The following FUT6 variants were observed in gnomAD, a reference collection of about 807,000 sequenced individuals.
FUT6 encodes the protein fucosyltransferase 6, also known as 4-galactosyl-N-acetylglucosaminide 3-alpha-L-fucosyltransferase FUT6.
For synonymous variants in FUT6, 187 were observed against 209.9 expected, an observed-to-expected ratio of 0.89 and a Z score of 0.94; for missense variants, 454 against 494.6, an observed-to-expected ratio of 0.92 and a Z score of 0.78.
chr19:5,833,197 AC>A (rs769970886), intron 2 of FUT6, among the ~76,000 whole-genome samples: 26 of 152,298 alleles, frequency 1.7e-4, no homozygotes, highest in Admixed American at 7.8e-4. Context: ...TGCTGTTTTT[AC>A]CATTGAAAGT....
At position 5,831,585 on chromosome 19, in the gene FUT6, C is replaced by G. The variant is rs370771147; in HGVS notation, c.983G>C (p.Arg328Pro). ...GAAAGCGAGTGCCCAGCTGAAGGAGCGAGGCCGCAGCGTCTCCCGCCAGCG... is the reference window on the plus strand; with the variant it reads ...GAAAGCGAGTGCCCAGCTGAAGGAGGGAGGCCGCAGCGTCTCCCGCCAGCG... ...YFRWRETLRP[R>P]SFSWALAFCK... The change falls in exon 3 of 3, where the codon CGC becomes CCC. Residue 328 changes from arginine to proline, a missense_variant. Transcript: ENST00000318336. This position sits in a 1 kb window ranked among gnomAD's most constrained non-coding sequence, Gnocchi z 7.0. 1 of 1,614,086 alleles carries G rather than the reference C, an allele frequency of 6.2e-7. No individual in the cohort carries two copies. The highest frequency in any genetic ancestry group is 1.3e-5 in the African/African-American group (1 of 75,046).
intron 2 of FUT6, among the ~76,000 whole-genome samples, chr19:5,833,592 G>A (rs1454861623): frequency 6.6e-6 from 1 of 151,562 alleles, no homozygotes; most frequent in Middle Eastern, 3.5e-3. Flanking sequence ...TCAGGAGTTC[G>A]AGGCCAGCCT....
At chr19:5,834,095 G>T (rs1480947929) in intron 2 of FUT6, among the ~76,000 whole-genome samples, 1 of 151,906 alleles carries the variant, frequency 6.6e-6, no homozygotes, top group Non-Finnish European at 1.5e-5. Context: ...TCACACCATT[G>T]CACTCCAACC....
rs2057086576 is a variant in FUT6 at position 5,831,289 on chromosome 19, G to C, written c.*199C>G. 3 of 1,253,394 alleles carry C rather than the reference G, an allele frequency of 2.4e-6. No homozygotes were observed. In the East Asian group the frequency reaches 6.9e-5, roughly 29 times the overall value. The allele number at this position is 1,253,394 out of a possible 1,614,324, so 77.6% of individuals were successfully genotyped here. A position where few individuals can be genotyped will look rare whatever the true frequency, so the allele number is the denominator to read the frequency against. On this transcript the variant is annotated 3_prime_UTR_variant, in exon 3 of 3. Transcript: ENST00000318336. The surrounding 1 kb of genome is among the most constrained non-coding windows in gnomAD (Gnocchi z 7.0). Reference sequence around the variant, plus strand: ...TACCTGGCCACCGAAGACTCCAGCAGGTGAGGCCCCAGGAAAGTGAGGACC... The same window carrying C: ...TACCTGGCCACCGAAGACTCCAGCACGTGAGGCCCCAGGAAAGTGAGGACC...
At chr19:5,837,784 A>C (rs2057201067) in intron 1 of FUT6, 1 of 152,108 alleles carries the variant, frequency 6.6e-6, no homozygotes, top group South Asian at 2.1e-4. Flanking sequence ...AAAATAAAAT[A>C]AAATAAAATA....
Position 5,832,396 on chromosome 19 carries a change from C to T in FUT6, c.172G>A (p.Ala58Thr), listed in dbSNP as rs112849079. 8.0e-5 allele frequency: 129 copies of T among 1,613,858 alleles called. No homozygotes were observed. In the Middle Eastern group the frequency reaches 1.8e-3, roughly 23 times the overall value. The change falls in exon 3 of 3, where the codon GCC becomes ACC. Residue 58 changes from alanine to threonine, a missense_variant. Coordinates refer to ENST00000318336, the MANE Select transcript of FUT6 (RefSeq NM_000150.4). This position sits in a 1 kb window ranked among gnomAD's most constrained non-coding sequence, Gnocchi z 4.3. ...AGCAGGATCAGGGGGATGGAGTGGG[C>T]GGGGGTCCCTGTGCTGTCTGGGAAG... ...SRFPDSTGTP[A>T]HSIPLILLWT...
intron 1 of FUT6, among the ~76,000 whole-genome samples, chr19:5,837,129 C>A (rs1599652962): frequency 6.6e-6 from 1 of 152,136 alleles, no homozygotes; most frequent in South Asian, 2.1e-4. Context: ...CCTCTAGCTC[C>A]CGGGCTAAAG....
chr19:5,833,078 C>T (rs2057129348), intron 2 of FUT6, among the ~76,000 whole-genome samples: 3 of 152,188 alleles, frequency 2.0e-5, no homozygotes, highest in African/African-American at 7.2e-5. Flanking sequence ...AGGAAACCAC[C>T]ATTGCCAAGG....
chr19:5,837,257 C>G (rs1179540103), intron 1 of FUT6, among the ~76,000 whole-genome samples: 1 of 151,626 alleles, frequency 6.6e-6, no homozygotes, highest in Non-Finnish European at 1.5e-5. Context: ...AGGCTGGTCT[C>G]GAACTCCTGA....
At chr19:5,833,223 G>A (rs1035452364) in intron 2 of FUT6, among the ~76,000 whole-genome samples, 25 of 152,196 alleles carry the variant, frequency 1.6e-4, no homozygotes, top group African/African-American at 3.9e-4. Flanking sequence ...GCAGCCATGC[G>A]CGGTGGTTCA....
chr19:5,832,676 C>G lies in FUT6; in HGVS notation c.-12-97G>C, dbSNP rs1427849330. 32 of 953,058 alleles carry G rather than the reference C, an allele frequency of 3.4e-5. No homozygotes were observed. The highest frequency in any genetic ancestry group is 5.3e-5 in the Non-Finnish European group (32 of 607,312). 59.0% of individuals were successfully genotyped at this position (953,058 alleles called of 1,614,324 possible). On this transcript the variant is annotated intron_variant, in intron 2 of 2. Coordinates refer to ENST00000318336, the MANE Select transcript of FUT6 (RefSeq NM_000150.4). This position sits in a 1 kb window ranked among gnomAD's most constrained non-coding sequence, Gnocchi z 4.3. ...GTCCTGAGAAGAGCTGTTATTATTCCTGTTACACAGATGAGAAAACTGAGA... is the reference window on the plus strand; with the variant it reads ...GTCCTGAGAAGAGCTGTTATTATTCGTGTTACACAGATGAGAAAACTGAGA...
chr19:5,831,704 G>C lies in FUT6; in HGVS notation c.864C>G (p.Ala288=). 6.2e-7 allele frequency: 1 copy of C among 1,611,496 alleles called. No individual in the cohort carries two copies. The highest frequency in any genetic ancestry group is 8.5e-7 in the Non-Finnish European group (1 of 1,178,988). The stretch of plus-strand genomic sequence containing the variant: ...TCTGGAAGTCGTCCACGTGGATGAA[G>C]GCGTCGGGTGGCAGGAACCTCTCGT... ...SNYERFLPPD[A]FIHVDDFQSP... The change falls in exon 3 of 3, where the codon GCC becomes GCG. Residue 288 remains alanine, a synonymous_variant. Transcript: ENST00000318336. The surrounding 1 kb of genome is among the most constrained non-coding windows in gnomAD (Gnocchi z 7.0).
chr19:5,837,069 G>T (rs2057190205), intron 1 of FUT6, among the ~76,000 whole-genome samples: 1 of 151,942 alleles, frequency 6.6e-6, no homozygotes, highest in African/African-American at 2.4e-5. Flanking sequence ...ATGGAATCTT[G>T]CTCTGTCACC....
At chr19:5,834,037 C>T (rs1475457377) in intron 2 of FUT6, among the ~76,000 whole-genome samples, 1 of 151,948 alleles carries the variant, frequency 6.6e-6, no homozygotes, top group African/African-American at 2.4e-5. Flanking sequence ...GAGACAGAGA[C>T]ATGAGCATCA....
At position 5,839,005 on chromosome 19, in the gene FUT6, C is replaced by T. The variant is rs1192556341; in HGVS notation, c.-469G>A. ...CTTCAATGCGATGTGGCTTTGAGTA[C>T]AAAGTGAAAAGGCTGACCTGAACCA... On this transcript the variant is annotated 5_prime_UTR_variant, in exon 1 of 3. Transcript: ENST00000318336. 6.6e-6 allele frequency: 1 copy of T among 152,212 alleles called. No individual in the cohort carries two copies. Among genetic ancestry groups the T allele is most frequent in the Non-Finnish European group, 1.5e-5 (1 of 68,040 alleles). The allele number at this position is 152,212 out of a possible 1,614,324, so 9.4% of individuals were successfully genotyped here.
intron 2 of FUT6, chr19:5,834,415 C>G (rs1264798200): frequency 6.6e-6 from 1 of 152,394 alleles, no homozygotes. Context: ...AGATACCCAG[C>G]AGCGGACTGG....
At chr19:5,835,570 G>A (rs1327133831) in intron 1 of FUT6, among the ~76,000 whole-genome samples, 5 of 152,086 alleles carry the variant, frequency 3.3e-5, no homozygotes. Flanking sequence ...GATTACCTGA[G>A]GTCAGGAGTT....
chr19:5,831,663 G>C lies in FUT6; in HGVS notation c.905C>G (p.Ala302Gly), dbSNP rs1236522825. The change falls in exon 3 of 3, where the codon GCC (alanine) becomes GGC (glycine). Residue 302 changes from alanine to glycine, a missense_variant. Transcript: ENST00000318336. This position sits in a 1 kb window ranked among gnomAD's most constrained non-coding sequence, Gnocchi z 7.0. Reference protein sequence around the residue: ...VDDFQSPKDLARYLQELDKDH... With the variant: ...VDDFQSPKDLGRYLQELDKDH... ...CTTGTCCAGCTCCTGCAGGTACCGG[G>C]CCAGGTCCTTGGGGCTCTGGAAGTC... 6.2e-7 allele frequency: 1 copy of C among 1,612,628 alleles called. No homozygotes were observed. The highest frequency in any genetic ancestry group is 1.3e-5 in the African/African-American group (1 of 74,854).
Position 5,831,446 on chromosome 19 carries a change from G to A in FUT6, c.*42C>T, listed in dbSNP as rs755714495. ...AGGCCCCCACTCAGGTGAGGCCCCA[G>A]GAAAATGAGGTTCCTGGCAGCCCAG... On this transcript the variant is annotated 3_prime_UTR_variant, in exon 3 of 3. Transcript: ENST00000318336. The surrounding 1 kb of genome is among the most constrained non-coding windows in gnomAD (Gnocchi z 7.0). 7.4e-6 allele frequency: 12 copies of A among 1,613,654 alleles called. No individual in the cohort carries two copies. In the Admixed American group the frequency reaches 1.7e-4, roughly 22 times the overall value.
Sources: allele counts gnomAD v4.1 joint callset (sites outside exome capture counted in the v4.1 genomes callset), GRCh38; gene constraint gnomAD v4.1.1; non-coding constraint Gnocchi (gnomAD v3.1); transcripts MANE v1.5; gene names NCBI Gene and HGNC (gene_info 2026-07-23, HGNC 2026-07-21).